ZNF516: variants seen among roughly 807,000 people sequenced by gnomAD.
The protein encoded by ZNF516 is zinc finger protein 516.
In ZNF516, 19 loss-of-function variants were observed where a neutral mutation model predicts 79.7. That is an observed-to-expected ratio of 0.24 (90% CI 0.17 to 0.35). ZNF516 has a LOEUF of 0.35. ZNF516 is among the 10% of genes least tolerant of loss of function. The pLI, the probability that ZNF516 is intolerant of heterozygous loss-of-function variation, is 1.00. For missense variants in ZNF516, 1,678 were observed against 1,679.5 expected (o/e 1.00, Z 0.02); for synonymous variants, 877 against 739.5 (o/e 1.19, Z -3.02).
chr18:76,367,528 C>T lies in ZNF516; in HGVS notation c.3432+3000G>A, dbSNP rs368953874. On this transcript the variant is annotated intron_variant, in intron 6 of 6. Coordinates refer to ENST00000443185, the MANE Select transcript of ZNF516 (RefSeq NM_014643.4). ...TGCCCACCCACTCTGGCTCTCCCTC[C>T]GTGAGCTGACCCCCACCCAGTTCCT... Among the ~76,000 whole-genome samples, 32 of 152,320 alleles carry T rather than the reference C, an allele frequency of 2.1e-4. 1 individual carries two copies. Among genetic ancestry groups the T allele is most frequent in the East Asian group, 1.9e-3 (10 of 5,182 alleles).
At chr18:76,391,373 C>A (rs1423466351) in intron 3 of ZNF516, among the ~76,000 whole-genome samples, 1 of 152,098 alleles carries the variant, frequency 6.6e-6, no homozygotes, top group Non-Finnish European at 1.5e-5. Context: ...CCCCTCAACC[C>A]TAACCGTGAA....
At position 76,425,861 on chromosome 18, in the gene ZNF516, G is replaced by A. The variant is rs570638970; in HGVS notation, c.1810+15384C>T. Among the ~76,000 whole-genome samples, 8 of 152,290 alleles carry A rather than the reference G, an allele frequency of 5.3e-5. No homozygotes were observed. The South Asian group carries it at 1.5e-3, about 28-fold the overall frequency. On this transcript the variant is annotated intron_variant, in intron 3 of 6. Transcript: ENST00000443185. ...GCAGAGCCTCGACACAGAAATTCACGTGCAAAAATACCCAGGCCCAACCAA... is the reference window on the plus strand; with the variant it reads ...GCAGAGCCTCGACACAGAAATTCACATGCAAAAATACCCAGGCCCAACCAA...
rs1038013513 is a variant in ZNF516 at position 76,459,235 on chromosome 18, C to T, written c.-158+3793G>A. ...TGCATAGGGCGCTCTCTCCCTGCCCCGAGCTTCGGCTTCTCCTCCATGCAC... is the reference window on the plus strand; with the variant it reads ...TGCATAGGGCGCTCTCTCCCTGCCCTGAGCTTCGGCTTCTCCTCCATGCAC... On this transcript the variant is annotated intron_variant, in intron 2 of 6. Coordinates refer to ENST00000443185, the MANE Select transcript of ZNF516 (RefSeq NM_014643.4). The surrounding 1 kb of genome is among the most constrained non-coding windows in gnomAD (Gnocchi z 5.0). Among the ~76,000 whole-genome samples, 1 of 152,188 alleles carries T rather than the reference C, an allele frequency of 6.6e-6. No individual in the cohort carries two copies. Among genetic ancestry groups the T allele is most frequent in the Non-Finnish European group, 1.5e-5 (1 of 68,034 alleles).
chr18:76,432,772 G>C (rs1470930630), intron 3 of ZNF516, among the ~76,000 whole-genome samples: 3 of 152,236 alleles, frequency 2.0e-5, no homozygotes, highest in Non-Finnish European at 4.4e-5. Flanking sequence ...CTGGGGCCCA[G>C]GCAGGACCCC....
rs1226898054 is a variant in ZNF516 at position 76,441,504 on chromosome 18, G to A, written c.1551C>T (p.Cys517=). Reference sequence around the variant, plus strand: ...TGCGGAAGATCTTGCCGCACTCGAAGCACTCGGAGGACTTGCCCTGGCCGG... The same window carrying A: ...TGCGGAAGATCTTGCCGCACTCGAAACACTCGGAGGACTTGCCCTGGCCGG... ...ATTGQGKSSE[C]FECGKIFRTY... is the part of the protein sequence containing the mutation. The change falls in exon 3 of 7, where the codon TGC becomes TGT. Residue 517 remains cysteine (C), a synonymous_variant. Coordinates refer to ENST00000443185, the MANE Select transcript of ZNF516 (RefSeq NM_014643.4). 1.9e-6 allele frequency: 3 copies of A among 1,593,062 alleles called. No individual in the cohort carries two copies. Among genetic ancestry groups the A allele is most frequent in the Non-Finnish European group, 1.7e-6 (2 of 1,171,436 alleles).
intron 3 of ZNF516, among the ~76,000 whole-genome samples, chr18:76,403,761 C>T (rs1439733451): frequency 1.3e-5 from 2 of 152,212 alleles, no homozygotes; most frequent in African/African-American, 4.8e-5. Context: ...AAACACATTA[C>T]AAGGGCCTCA....
At position 76,442,839 on chromosome 18, in the gene ZNF516, G is replaced by C; in HGVS notation, c.216C>G (p.Ser72=). Residue 72 remains serine, a synonymous_variant, in exon 3 of 7, where the codon TCC becomes TCG. Coordinates refer to ENST00000443185, the MANE Select transcript of ZNF516 (RefSeq NM_014643.4). ...YKCPYCDHRA[S]QKGNLKIHIR... ...TGTGAATCTTCAGGTTGCCCTTCTG[G>C]GAAGCCCGGTGGTCGCAGTAGGGAC... is the stretch of plus-strand genomic sequence containing the variant. 1 of 1,613,126 alleles carries C rather than the reference G, an allele frequency of 6.2e-7. No homozygotes were observed. The highest frequency in any genetic ancestry group is 8.5e-7 in the Non-Finnish European group (1 of 1,179,536).
At chr18:76,413,379 T>C (rs1023456439) in intron 3 of ZNF516, among the ~76,000 whole-genome samples, 7 of 152,058 alleles carry the variant, frequency 4.6e-5, no homozygotes, top group African/African-American at 1.7e-4. Context: ...AGGGAGAGGG[T>C]ATCGTTCATC....
chr18:76,379,128 G>T lies in ZNF516; in HGVS notation c.2986C>A (p.Pro996Thr), dbSNP rs768722340. Residue 996 changes from proline to threonine, a missense_variant, in exon 4 of 7, where the codon CCT becomes ACT. Physicochemically the swap from Pro to Thr is conservative, Grantham distance 38 (BLOSUM62 -1). Coordinates refer to ENST00000443185, the MANE Select transcript of ZNF516 (RefSeq NM_014643.4). ...PPAKGEGGAP[P>T]LPPREPPSKA... Reference sequence around the variant, plus strand: ...GAGGGGGGCTCGCGGGGAGGTAGAGGAGGAGCGCCCCCTTCGCCCTTTGCA... The same window carrying T: ...GAGGGGGGCTCGCGGGGAGGTAGAGTAGGAGCGCCCCCTTCGCCCTTTGCA... 1 of 1,612,630 alleles carries T rather than the reference G, an allele frequency of 6.2e-7. No homozygotes were observed. Among genetic ancestry groups the T allele is most frequent in the South Asian group, 1.1e-5 (1 of 91,090 alleles).
At chr18:76,466,623 T>C (rs1485089284) in intron 1 of ZNF516, among the ~76,000 whole-genome samples, 1 of 152,180 alleles carries the variant, frequency 6.6e-6, no homozygotes, top group Non-Finnish European at 1.5e-5. Context: ...AGGCACTCTG[T>C]GGACAGGCTC....
intron 3 of ZNF516, among the ~76,000 whole-genome samples, chr18:76,381,678 A>G (rs2074894795): frequency 6.6e-6 from 1 of 152,224 alleles, no homozygotes; most frequent in African/African-American, 2.4e-5. Context: ...GCTGGTTTTC[A>G]ATCAGCGGGC....
At chr18:76,408,335 G>A (rs1202819098) in intron 3 of ZNF516, among the ~76,000 whole-genome samples, 1 of 152,236 alleles carries the variant, frequency 6.6e-6, no homozygotes, top group Non-Finnish European at 1.5e-5. Flanking sequence ...GCAGGCTGGT[G>A]TGGACAGCAA....
chr18:76,415,574 G>A (rs910836914), intron 3 of ZNF516, among the ~76,000 whole-genome samples: 3 of 152,178 alleles, frequency 2.0e-5, no homozygotes, highest in African/African-American at 7.2e-5. Context: ...TTCTGCGGAG[G>A]TGGGTTCTGA....
intron 1 of ZNF516, chr18:76,491,141 A>C (rs1195390061): frequency 1.0e-6 from 1 of 973,068 alleles, no homozygotes; most frequent in Non-Finnish European, 1.2e-6. Flanking sequence ...GTGAAGTTTA[A>C]AATAGAAACC....
chr18:76,442,663 G>T lies in ZNF516; in HGVS notation c.392C>A (p.Ala131Asp). The T allele has an allele frequency of 6.3e-7, 1 of 1,584,570 alleles. No individual in the cohort carries two copies. The highest frequency in any genetic ancestry group is 8.5e-7 in the Non-Finnish European group (1 of 1,169,980). ...ASACNRLLNG[A>D]SQADGARVLN... ...GACCCTGGCGCCGTCGGCCTGCGAG[G>T]CCCCGTTCAGCAGCCGGTTGCAGGC... Residue 131 changes from alanine (A) to aspartate (D), a missense_variant, in exon 3 of 7, where the codon GCC becomes GAC. Coordinates refer to ENST00000443185, the MANE Select transcript of ZNF516 (RefSeq NM_014643.4).
intron 3 of ZNF516, among the ~76,000 whole-genome samples, chr18:76,381,225 G>A (rs564370953): frequency 2.6e-4 from 39 of 152,272 alleles, no homozygotes; most frequent in African/African-American, 8.9e-4. Flanking sequence ...AGAAGAGACT[G>A]TACTGCAAGT....
At chr18:76,384,191 A>G (rs2074940348) in intron 3 of ZNF516, among the ~76,000 whole-genome samples, 2 of 152,002 alleles carry the variant, frequency 1.3e-5, no homozygotes, top group South Asian at 4.2e-4. Context: ...AAGCGCCACC[A>G]CTGGCAATGA....
At chr18:76,435,904 C>T (rs690008) in intron 3 of ZNF516, among the ~76,000 whole-genome samples, 1 of 152,206 alleles carries the variant, frequency 6.6e-6, no homozygotes, top group African/African-American at 2.4e-5. Context: ...TCTATGGCTC[C>T]TTTTGGTTAG....
intron 6 of ZNF516, among the ~76,000 whole-genome samples, chr18:76,367,794 C>T (rs531759015): frequency 2.1e-4 from 32 of 152,268 alleles, no homozygotes; most frequent in Non-Finnish European, 4.0e-4. Context: ...AGGCCTGGCA[C>T]GCAGTGGGTG....
Sources: allele counts gnomAD v4.1 joint callset (sites outside exome capture counted in the v4.1 genomes callset), GRCh38; gene constraint gnomAD v4.1.1; non-coding constraint Gnocchi (gnomAD v3.1); transcripts MANE v1.5; gene names NCBI Gene and HGNC (gene_info 2026-07-23, HGNC 2026-07-21).